The following TCERG1 variants were observed in gnomAD, a reference collection of about 807,000 sequenced individuals.
TCERG1 encodes TATA box binding protein (TBP)-associated factor, RNA polymerase II, S, 150kD.
In TCERG1, 37 loss-of-function variants were observed where a neutral mutation model predicts 144.7. That is an observed-to-expected ratio of 0.26 (90% CI 0.20 to 0.34). The LOEUF (loss-of-function observed/expected upper bound fraction) is 0.34, where lower values mean the gene tolerates loss of function less well. Among genes scored for constraint, TCERG1 ranks in the 10% least tolerant of loss-of-function variants. The pLI is 1.00. For missense variants in TCERG1, 1,027 were observed against 1,380.7 expected (o/e 0.74, Z 4.06); for synonymous variants, 492 against 458.2 (o/e 1.07, Z -0.94).
chr5:146,463,524 A>G lies in TCERG1; in HGVS notation c.893-27A>G, dbSNP rs534432870. 19 of 1,613,424 alleles carry G rather than the reference A, an allele frequency of 1.2e-5. No individual in the cohort carries two copies. In the South Asian group the frequency reaches 2.0e-4, roughly 17 times the overall value. On this transcript the variant is annotated intron_variant, in intron 4 of 22. Transcript: ENST00000679501. ...GTAAAATGATTTATGAAGGAGTGAT[A>G]CATGTTTTTGTTTTATCTTTTATCA...
intron 18 of TCERG1, 128 bp downstream of exon 18, chr5:146,503,667 A>G: frequency 7.3e-7 from 1 of 1,373,168 alleles, no homozygotes; most frequent in African/African-American, 1.5e-5. Context: ...TCTTAACATA[A>G]GAGTCTAGTT....
At chr5:146,498,880 G>T (rs1442339821) in intron 17 of TCERG1, among the ~76,000 whole-genome samples, 194 bp downstream of exon 17, 2 of 152,012 alleles carry the variant, frequency 1.3e-5, no homozygotes, top group Admixed American at 1.3e-4. Context: ...GCTTATTTTA[G>T]TAGCTTCACT....
At chr5:146,497,754 C>T (rs1427665195) in intron 16 of TCERG1, among the ~76,000 whole-genome samples, 1 of 152,070 alleles carries the variant, frequency 6.6e-6, no homozygotes, top group East Asian at 1.9e-4. Flanking sequence ...TTTAGCCTTC[C>T]AGCTCTGTTT....
intron 17 of TCERG1, among the ~76,000 whole-genome samples, chr5:146,502,443 A>ATTTAAATT (rs1767576177): frequency 6.6e-6 from 1 of 152,144 alleles, no homozygotes; most frequent in African/African-American, 2.4e-5. Context: ...TATACATGGG[A>ATTTAAATT]TTAAATTTTA....
intron 6 of TCERG1, among the ~76,000 whole-genome samples, chr5:146,469,079 A>G (rs1764049706): frequency 1.3e-5 from 2 of 152,130 alleles, no homozygotes; most frequent in African/African-American, 2.4e-5. Context: ...GAGTCGATAA[A>G]CTCAGTCATT....
intron 22 of TCERG1, 124 bp downstream of exon 22, chr5:146,509,369 A>C: frequency 1.6e-6 from 1 of 635,620 alleles, no homozygotes; most frequent in Non-Finnish European, 2.6e-6. Flanking sequence ...ATAAGAAGAT[A>C]CCAACTTCTG....
At chr5:146,494,364 G>T (rs550039240) in intron 16 of TCERG1, among the ~76,000 whole-genome samples, 11 of 152,220 alleles carry the variant, frequency 7.2e-5, no homozygotes, top group African/African-American at 2.6e-4. Flanking sequence ...GCATTCAGCA[G>T]AATATATTTA....
intron 5 of TCERG1, among the ~76,000 whole-genome samples, chr5:146,464,554 C>G (rs1763608435): frequency 6.6e-6 from 1 of 152,160 alleles, no homozygotes; most frequent in African/African-American, 2.4e-5. Context: ...GAGTGGAATT[C>G]TTACCATAGG....
chr5:146,492,960 G>A lies in TCERG1; in HGVS notation c.2204G>A (p.Arg735His), dbSNP rs1026393869. The change falls in exon 16 of 23, where the codon CGC becomes CAC. Residue 735 changes from arginine (R) to histidine (H), a missense_variant. Arg to His is a conservative substitution (Grantham distance 29). Transcript: ENST00000679501. The stretch of plus-strand genomic sequence containing the variant: ...GTAAAGACCAGGGCAGAGGAAGAAC[G>A]CAGGGAAAAGAAAAATAAAATAATG... ...QYVKTRAEEE[R>H]REKKNKIMQA... The A allele has an allele frequency of 6.2e-7, 1 of 1,606,346 alleles. No individual in the cohort carries two copies. Among genetic ancestry groups the A allele is most frequent in the Non-Finnish European group, 8.5e-7 (1 of 1,177,220 alleles).
At chr5:146,495,898 T>G (rs1766850259) in intron 16 of TCERG1, among the ~76,000 whole-genome samples, 1 of 152,220 alleles carries the variant, frequency 6.6e-6, no homozygotes, top group Non-Finnish European at 1.5e-5. Flanking sequence ...CTCGCGCCTG[T>G]AATCCCAGCA....
intron 16 of TCERG1, 143 bp downstream of exon 16, chr5:146,493,181 T>G (rs1435696722): frequency 1.7e-6 from 1 of 591,522 alleles, no homozygotes; most frequent in African/African-American, 2.0e-5. Context: ...CCAAAATTTC[T>G]AATCTTTATT....
At chr5:146,497,164 A>T (rs1311327294) in intron 16 of TCERG1, among the ~76,000 whole-genome samples, 1 of 150,758 alleles carries the variant, frequency 6.6e-6, no homozygotes, top group African/African-American at 2.4e-5. Context: ...GAGCCACCAC[A>T]CTATGTTTTT....
At position 146,511,141 on chromosome 5, in the gene TCERG1, C is replaced by T. The variant is rs972681241; in HGVS notation, c.*499C>T. ...TTATTATAATGGACAATACTTTTAC[C>T]TTTGTCTCTAAAGATCAGATTAGTT... is the stretch of plus-strand genomic sequence containing the variant. On this transcript the variant is annotated 3_prime_UTR_variant, in exon 23 of 23. Transcript: ENST00000679501. The T allele has an allele frequency of 6.6e-6, 1 of 152,384 alleles. No individual in the cohort carries two copies. The highest frequency in any genetic ancestry group is 1.5e-5 in the Non-Finnish European group (1 of 68,020). The allele number at this position is 152,384 out of a possible 1,614,324, so 9.4% of individuals were successfully genotyped here.
At chr5:146,461,979 CTG>C (rs1299564046) in intron 4 of TCERG1, 1 of 152,534 alleles carries the variant, frequency 6.6e-6, no homozygotes, top group East Asian at 1.9e-4. Flanking sequence ...ATTTTTCACA[CTG>C]TTATAAAATT....
At chr5:146,457,541 C>T (rs1046154421) in intron 3 of TCERG1, among the ~76,000 whole-genome samples, 4 of 152,214 alleles carry the variant, frequency 2.6e-5, no homozygotes, top group Non-Finnish European at 5.9e-5. Flanking sequence ...ACACATTTAC[C>T]TGTGATTCTG....
chr5:146,489,461 T>A (rs761199696), intron 15 of TCERG1, among the ~76,000 whole-genome samples: 1 of 152,194 alleles, frequency 6.6e-6, no homozygotes, highest in Non-Finnish European at 1.5e-5. Context: ...TATGGTAATA[T>A]GTTACCAACA....
intron 9 of TCERG1, among the ~76,000 whole-genome samples, chr5:146,472,649 T>A (rs570237304): frequency 8.5e-5 from 13 of 152,154 alleles, no homozygotes; most frequent in Admixed American, 7.9e-4. Context: ...TTAGTAGCCC[T>A]ATAATGCCCT....
At chr5:146,480,976 T>TA (rs143085828) in intron 12 of TCERG1, among the ~76,000 whole-genome samples, 174 bp from the exon 13 acceptor site, 2,979 of 148,402 alleles carry the variant, frequency 0.02, 38 homozygotes, top group Non-Finnish European at 0.029. Context: ...GCTTTTTTTT[T>TA]AAAAAAAAAA....
Position 146,473,190 on chromosome 5 carries a change from T to G in TCERG1, c.1601+1614T>G, listed in dbSNP as rs557072973. On this transcript the variant is annotated intron_variant, in intron 9 of 22. Transcript: ENST00000679501. ...AACATAAGAATGATAAGAACCTTAT[T>G]CCTGATAATGGAGAAAGTTTGAGTG... Among the ~76,000 whole-genome samples the G allele has an allele frequency of 3.3e-5, 5 of 152,316 alleles. No homozygotes were observed. In the South Asian group the frequency reaches 6.2e-4, roughly 19 times the overall value.
Sources: allele counts gnomAD v4.1 joint callset (sites outside exome capture counted in the v4.1 genomes callset), GRCh38; gene constraint gnomAD v4.1.1; transcripts MANE v1.5; gene names NCBI Gene and HGNC (gene_info 2026-07-23, HGNC 2026-07-21).